NAALADL2: variants seen among roughly 807,000 people sequenced by gnomAD.
NAALADL2 encodes the protein inactive N-acetylated-alpha-linked acidic dipeptidase-like protein 2.
Under a neutral mutation model 87.2 loss-of-function variants are expected in NAALADL2, and 76 were observed. The ratio of observed to expected loss-of-function variants is 0.87; its 90% CI spans 0.72 to 1.05. The LOEUF is 1.05. Ranked by LOEUF, NAALADL2 falls within the 50% of genes least tolerant of loss-of-function variation. The probability of loss-of-function intolerance (pLI) is 0.00; values close to 1 mark genes in which losing one functional copy is unlikely to be tolerated. For synonymous variants in NAALADL2, 354 were observed against 331.0 expected, an observed-to-expected ratio of 1.07 and a Z score of -0.75; for missense variants, 1,089 against 945.8, an observed-to-expected ratio of 1.15 and a Z score of -1.99.
chr3:175,416,568 T>C (rs1252138080), intron 5 of NAALADL2, among the ~76,000 whole-genome samples: 1 of 152,106 alleles, frequency 6.6e-6, no homozygotes, highest in Non-Finnish European at 1.5e-5. Context: ...ACAAGATCAC[T>C]GATGTTAAGT....
intron 11 of NAALADL2, among the ~76,000 whole-genome samples, chr3:175,714,026 C>T (rs1740902862): frequency 6.6e-6 from 1 of 152,080 alleles, no homozygotes; most frequent in African/African-American, 2.4e-5. Flanking sequence ...TGATGGTTTC[C>T]AGCTTCACCC....
At position 175,484,328 on chromosome 3, in the gene NAALADL2, A is replaced by G. The variant is rs181302264; in HGVS notation, c.1653+12570A>G. 4.9e-4 allele frequency among the ~76,000 whole-genome samples: 74 copies of G among 152,304 alleles called. No individual in the cohort carries two copies. The Middle Eastern group carries it at 0.017, about 35-fold the overall frequency. ...ATCTGTTTTTGAAAGTATCTCTTAA[A>G]AGAAATAATTATTTGCGAATGCTAT... On this transcript the variant is annotated intron_variant, in intron 9 of 13. Transcript: ENST00000454872.
intron 2 of NAALADL2, among the ~76,000 whole-genome samples, chr3:174,580,662 C>T (rs992754081): frequency 3.9e-5 from 6 of 152,000 alleles, no homozygotes; most frequent in Non-Finnish European, 5.9e-5. Flanking sequence ...CTCTCTCTCT[C>T]TATGTAATAT....
intron 10 of NAALADL2, among the ~76,000 whole-genome samples, chr3:175,589,582 C>T (rs1653274706): frequency 6.6e-6 from 1 of 151,576 alleles, no homozygotes. Flanking sequence ...TATTTAAAAA[C>T]ACGTAAACAT....
intron 3 of NAALADL2, among the ~76,000 whole-genome samples, chr3:174,821,137 G>A (rs1721374513): frequency 6.6e-6 from 1 of 152,160 alleles, no homozygotes; most frequent in African/African-American, 2.4e-5. Flanking sequence ...GGAATGAGCA[G>A]ACTTAAATAG....
intron 10 of NAALADL2, among the ~76,000 whole-genome samples, chr3:175,578,335 T>C (rs1719213939): frequency 6.6e-6 from 1 of 151,932 alleles, no homozygotes; most frequent in Non-Finnish European, 1.5e-5. Context: ...GGGAGGGCTG[T>C]GATGGGAGGA....
At chr3:174,720,626 T>C (rs894128567) in intron 2 of NAALADL2, among the ~76,000 whole-genome samples, 2 of 152,192 alleles carry the variant, frequency 1.3e-5, no homozygotes, top group African/African-American at 4.8e-5. Context: ...CCATGAGATG[T>C]TTATTTATCA....
At chr3:175,732,764 G>T (rs1450909091) in intron 11 of NAALADL2, among the ~76,000 whole-genome samples, 1 of 152,094 alleles carries the variant, frequency 6.6e-6, no homozygotes, top group Non-Finnish European at 1.5e-5. Context: ...TTGGGGATAA[G>T]ACTCTGCAAA....
chr3:174,750,769 A>G (rs1265859526), intron 3 of NAALADL2, among the ~76,000 whole-genome samples: 1 of 152,126 alleles, frequency 6.6e-6, no homozygotes, highest in African/African-American at 2.4e-5. Flanking sequence ...AAAGCATTGG[A>G]AAGTATCCAC....
intron 9 of NAALADL2, among the ~76,000 whole-genome samples, chr3:175,555,304 T>A (rs1715079588): frequency 6.6e-6 from 1 of 152,182 alleles, no homozygotes; most frequent in African/African-American, 2.4e-5. Context: ...ATCTTCTAAT[T>A]AGCAATTCTT....
intron 2 of NAALADL2, among the ~76,000 whole-genome samples, chr3:174,698,978 T>TAC (rs1729294701): frequency 2.0e-5 from 3 of 148,456 alleles, no homozygotes; most frequent in Middle Eastern, 6.9e-3. Flanking sequence ...TATATATATA[T>TAC]ACATTTCTTT....
At chr3:175,332,992 C>G (rs1761567845) in intron 5 of NAALADL2, among the ~76,000 whole-genome samples, 1 of 152,104 alleles carries the variant, frequency 6.6e-6, no homozygotes, top group Non-Finnish European at 1.5e-5. Context: ...TATCCCTTTA[C>G]TTTCATTCTA....
intron 3 of NAALADL2, among the ~76,000 whole-genome samples, chr3:174,766,020 C>T (rs1467530945): frequency 2.6e-5 from 4 of 152,200 alleles, no homozygotes; most frequent in Non-Finnish European, 5.9e-5. Context: ...CAGATAAACA[C>T]CCCTCAATAG....
intron 9 of NAALADL2, among the ~76,000 whole-genome samples, chr3:175,537,656 C>A (rs1456744088): frequency 6.6e-6 from 1 of 152,058 alleles, no homozygotes; most frequent in East Asian, 1.9e-4. Flanking sequence ...TGCCAGCTTC[C>A]CAAACTGAAA....
rs561021472 is a variant in NAALADL2 at position 175,490,841 on chromosome 3, C to T, written c.1653+19083C>T. On this transcript the variant is annotated intron_variant, in intron 9 of 13. Transcript: ENST00000454872. Reference sequence around the variant, plus strand: ...CCACCAAACAGGGAGGTAGGCAATCCGTGGAACATCATAGCCAAATAGCTG... The same window carrying T: ...CCACCAAACAGGGAGGTAGGCAATCTGTGGAACATCATAGCCAAATAGCTG... 6.6e-5 allele frequency among the ~76,000 whole-genome samples: 10 copies of T among 152,048 alleles called. No homozygotes were observed. The South Asian group carries it at 1.0e-3, about 16-fold the overall frequency.
At chr3:175,706,916 G>A (rs919366751) in intron 11 of NAALADL2, among the ~76,000 whole-genome samples, 2 of 152,000 alleles carry the variant, frequency 1.3e-5, no homozygotes, top group Non-Finnish European at 2.9e-5. Context: ...CTCTATATTT[G>A]TATTCTAAGT....
intron 11 of NAALADL2, among the ~76,000 whole-genome samples, chr3:175,711,053 G>A (rs1740463392): frequency 6.6e-6 from 1 of 151,858 alleles, no homozygotes; most frequent in African/African-American, 2.4e-5. Flanking sequence ...TATTACTGGT[G>A]TAGCTGTTAA....
At chr3:175,467,438 T>A (rs1330289031) in intron 8 of NAALADL2, among the ~76,000 whole-genome samples, 3 of 152,122 alleles carry the variant, frequency 2.0e-5, no homozygotes, top group African/African-American at 7.2e-5. Flanking sequence ...CACACAATAG[T>A]GTTTACCTTA....
intron 2 of NAALADL2, among the ~76,000 whole-genome samples, chr3:175,118,978 CAT>C (rs1424882009): frequency 9.2e-5 from 14 of 151,584 alleles, no homozygotes; most frequent in South Asian, 6.2e-4. Flanking sequence ...CCTATTATAA[CAT>C]GTGAGGATTT....
Sources: allele counts gnomAD v4.1 joint callset (sites outside exome capture counted in the v4.1 genomes callset), GRCh38; gene constraint gnomAD v4.1.1; transcripts MANE v1.5; gene names NCBI Gene and HGNC (gene_info 2026-07-23, HGNC 2026-07-21).